The following IMMP2L variants were observed in gnomAD, a reference collection of about 807,000 sequenced individuals.
The protein encoded by IMMP2L is mitochondrial inner membrane protease subunit 2.
In IMMP2L, 18 loss-of-function variants were observed where a neutral mutation model predicts 19.3. The observed-to-expected ratio is 0.93, with a 90% CI of 0.64 to 1.38. IMMP2L has a LOEUF of 1.38. Among genes scored for constraint, IMMP2L ranks in the 40% most tolerant of loss-of-function variants. The pLI, the probability that IMMP2L is intolerant of heterozygous loss-of-function variation, is 0.00. For missense variants in IMMP2L, 233 were observed against 218.2 expected, an observed-to-expected ratio of 1.07 and a Z score of -0.43; for synonymous variants, 76 against 73.0, an observed-to-expected ratio of 1.04 and a Z score of -0.21.
At chr7:111,309,293 T>C (rs1347342813) in intron 3 of IMMP2L, among the ~76,000 whole-genome samples, 2 of 152,264 alleles carry the variant, frequency 1.3e-5, no homozygotes, top group African/African-American at 4.8e-5. Context: ...AGGCAATTAG[T>C]GAAGATGATT....
chr7:111,446,854 A>C (rs878908990), intron 3 of IMMP2L, among the ~76,000 whole-genome samples: 14 of 137,872 alleles, frequency 1.0e-4, no homozygotes, highest in Non-Finnish European at 2.1e-4. Context: ...ATACAGAGAA[A>C]TGCTTAAAGG....
rs570357041 is a variant in IMMP2L at position 111,213,429 on chromosome 7, C to T, written c.240-249864G>A. 6.1e-4 allele frequency among the ~76,000 whole-genome samples: 93 copies of T among 152,246 alleles called. 1 individual carries two copies. Among genetic ancestry groups the T allele is most frequent in the African/African-American group, 2.1e-3 (86 of 41,550 alleles). On this transcript the variant is annotated intron_variant, in intron 3 of 5. Transcript: ENST00000405709. This position sits in a 1 kb window ranked among gnomAD's most constrained non-coding sequence, Gnocchi z 4.8. The stretch of plus-strand genomic sequence containing the variant: ...GCCATGAACTGTGGCAGGAGGCAGA[C>T]GCGCTCCTGAGTGGAAGGGGGTGGG...
At chr7:110,839,222 G>A (rs992929467) in intron 5 of IMMP2L, among the ~76,000 whole-genome samples, 1 of 151,862 alleles carries the variant, frequency 6.6e-6, no homozygotes, top group South Asian at 2.1e-4. Context: ...AATTCCATTC[G>A]CTATTAGCAA....
At chr7:110,828,325 T>C (rs1396480994) in intron 5 of IMMP2L, among the ~76,000 whole-genome samples, 1 of 152,186 alleles carries the variant, frequency 6.6e-6, no homozygotes, top group East Asian at 1.9e-4. Context: ...TCTTCTTGTG[T>C]TCTCCCTCCT....
intron 3 of IMMP2L, among the ~76,000 whole-genome samples, chr7:110,988,388 T>C (rs545269363): frequency 1.3e-5 from 2 of 152,304 alleles, no homozygotes; most frequent in South Asian, 4.1e-4. Flanking sequence ...ATGGGAAATA[T>C]CTTGGAAACA....
chr7:111,434,061 G>A (rs1445124302), intron 3 of IMMP2L, among the ~76,000 whole-genome samples: 1 of 151,626 alleles, frequency 6.6e-6, no homozygotes, highest in Non-Finnish European at 1.5e-5. Context: ...GAGGCTACAG[G>A]AACCAAAACA....
chr7:111,383,836 T>C (rs1352273658), intron 3 of IMMP2L, among the ~76,000 whole-genome samples: 2 of 152,130 alleles, frequency 1.3e-5, no homozygotes, highest in Admixed American at 1.3e-4. Flanking sequence ...CTTTTATATG[T>C]TCAAGCCCAT....
intron 5 of IMMP2L, among the ~76,000 whole-genome samples, chr7:110,678,823 C>A (rs1792501520): frequency 6.6e-6 from 1 of 152,106 alleles, no homozygotes; most frequent in South Asian, 2.1e-4. Context: ...CCTAATCTTT[C>A]ATTAATTTCA....
chr7:111,192,910 G>A (rs553807033), intron 3 of IMMP2L, among the ~76,000 whole-genome samples: 52 of 152,190 alleles, frequency 3.4e-4, no homozygotes, highest in Non-Finnish European at 5.4e-4. Flanking sequence ...GAAAAATGAT[G>A]GCTAATCACA....
chr7:111,387,990 A>G (rs1413933284), intron 3 of IMMP2L, among the ~76,000 whole-genome samples: 1 of 151,210 alleles, frequency 6.6e-6, no homozygotes, highest in Admixed American at 6.6e-5. Flanking sequence ...AAAAAAAAAA[A>G]AAAAAAAAAC....
chr7:111,180,453 T>C (rs1052002214), intron 3 of IMMP2L, among the ~76,000 whole-genome samples: 1 of 151,948 alleles, frequency 6.6e-6, no homozygotes, highest in Non-Finnish European at 1.5e-5. Flanking sequence ...CCATCTTACA[T>C]GGGTGAGGTT....
chr7:110,882,344 C>A, intron 5 of IMMP2L, among the ~76,000 whole-genome samples: 1 of 140,660 alleles, frequency 7.1e-6, no homozygotes, highest in Non-Finnish European at 1.5e-5. Context: ...TTCCTTCCCT[C>A]CTTCCTCTCT....
chr7:110,920,224 C>A (rs886907385), intron 4 of IMMP2L, among the ~76,000 whole-genome samples: 1 of 152,168 alleles, frequency 6.6e-6, no homozygotes, highest in African/African-American at 2.4e-5. Context: ...TGAGTCAATA[C>A]TCCTTAATAA....
chr7:111,346,682 A>G (rs1827601782), intron 3 of IMMP2L, among the ~76,000 whole-genome samples: 1 of 152,170 alleles, frequency 6.6e-6, no homozygotes, highest in Non-Finnish European at 1.5e-5. Flanking sequence ...GAGGTGAGCC[A>G]AGACAAGAAG....
At chr7:110,824,939 C>T (rs906023738) in intron 5 of IMMP2L, among the ~76,000 whole-genome samples, 4 of 152,192 alleles carry the variant, frequency 2.6e-5, no homozygotes, top group African/African-American at 4.8e-5. Context: ...ATCTAGAAAA[C>T]GCCATCATCT....
chr7:111,281,760 T>C (rs1819910563), intron 3 of IMMP2L, among the ~76,000 whole-genome samples: 1 of 152,134 alleles, frequency 6.6e-6, no homozygotes, highest in Non-Finnish European at 1.5e-5. Context: ...TGACATCAAG[T>C]GGCACCAAAA....
chr7:111,418,895 T>A (rs954816926), intron 3 of IMMP2L, among the ~76,000 whole-genome samples: 1 of 151,844 alleles, frequency 6.6e-6, no homozygotes. Context: ...AAATAGTCCC[T>A]AAGTTTTCTT....
chr7:110,993,392 C>A (rs983826143), intron 3 of IMMP2L, among the ~76,000 whole-genome samples: 1 of 152,092 alleles, frequency 6.6e-6, no homozygotes, highest in East Asian at 1.9e-4. Context: ...GGGCTTCTTT[C>A]CTTGTAGTTG....
chr7:111,506,375 C>A, intron 2 of IMMP2L, among the ~76,000 whole-genome samples: 1 of 152,020 alleles, frequency 6.6e-6, no homozygotes, highest in East Asian at 1.9e-4. Flanking sequence ...AGTTGGGGCT[C>A]ATTCCATTCC....
Sources: gnomAD v4.1 joint callset for allele counts (sites outside exome capture counted in the v4.1 genomes callset) on GRCh38, gnomAD v4.1.1 for gene constraint, Gnocchi (gnomAD v3.1) non-coding constraint, MANE v1.5 for transcripts, NCBI Gene and HGNC (gene_info 2026-07-23, HGNC 2026-07-21) for gene names.